LEF1: variants seen among roughly 807,000 people sequenced by gnomAD.
LEF1 encodes lymphoid enhancer binding factor 1.
Under a neutral mutation model 51.2 loss-of-function variants are expected in LEF1, and 14 were observed. The ratio of observed to expected loss-of-function variants is 0.27; its 90% CI spans 0.18 to 0.43. The LOEUF is 0.43. Among genes scored for constraint, LEF1 ranks in the 20% least tolerant of loss-of-function variants. The pLI is 1.00. For synonymous variants in LEF1, 185 were observed against 183.2 expected (o/e 1.01, Z -0.08); for missense variants, 386 against 512.0 (o/e 0.75, Z 2.37).
At chr4:108,080,845 G>A (rs975704428) in intron 6 of LEF1, among the ~76,000 whole-genome samples, 4 of 152,116 alleles carry the variant, frequency 2.6e-5, no homozygotes, top group African/African-American at 4.8e-5. Flanking sequence ...TTTGACTTCC[G>A]GCACAATAAT....
intron 3 of LEF1, among the ~76,000 whole-genome samples, chr4:108,154,406 T>C (rs1049604647): frequency 1.8e-5 from 2 of 112,754 alleles, no homozygotes; most frequent in Non-Finnish European, 1.6e-5. Context: ...GACAACCCTG[T>C]AAGGTGCCTC....
At chr4:108,154,811 T>G (rs1744589829) in intron 3 of LEF1, among the ~76,000 whole-genome samples, 1 of 152,154 alleles carries the variant, frequency 6.6e-6, no homozygotes, top group Non-Finnish European at 1.5e-5. Context: ...TGTTCAAAAT[T>G]GAGGGATCCT....
intron 8 of LEF1, among the ~76,000 whole-genome samples, chr4:108,074,812 T>C (rs1414889191): frequency 1.3e-5 from 2 of 152,156 alleles, no homozygotes; most frequent in African/African-American, 2.4e-5. Flanking sequence ...TTAAGGGAGC[T>C]GAGAAAGTAG....
chr4:108,154,855 T>C lies in LEF1; in HGVS notation c.414+8713A>G, dbSNP rs746812647. ...AAAGCTGCATCCAATATATAAATAT[T>C]TAACATTCATGGGATTTTACTGAAA... On this transcript the variant is annotated intron_variant, in intron 3 of 11. Coordinates refer to ENST00000265165, the MANE Select transcript of LEF1 (RefSeq NM_016269.5). Among the ~76,000 whole-genome samples, 8 of 152,126 alleles carry C rather than the reference T, an allele frequency of 5.3e-5. No homozygotes were observed. In the South Asian group the frequency reaches 1.7e-3, roughly 31 times the overall value.
intron 3 of LEF1, among the ~76,000 whole-genome samples, chr4:108,118,310 T>C (rs1741959707): frequency 6.6e-6 from 1 of 152,264 alleles, no homozygotes; most frequent in East Asian, 1.9e-4. Flanking sequence ...TTCACAAATC[T>C]ACATTTCTGC....
chr4:108,155,738 C>G (rs1483907013), intron 3 of LEF1, among the ~76,000 whole-genome samples: 2 of 152,176 alleles, frequency 1.3e-5, no homozygotes, highest in African/African-American at 2.4e-5. Context: ...TGCCATTTAA[C>G]CTTCCCAAAG....
intron 3 of LEF1, among the ~76,000 whole-genome samples, chr4:108,126,591 A>T (rs552290172): frequency 5.1e-4 from 77 of 151,910 alleles, no homozygotes; most frequent in African/African-American, 1.8e-3. Context: ...TCACTTGAGG[A>T]CAGGAGTTCG....
chr4:108,106,956 G>GA (rs1188980321), intron 3 of LEF1, among the ~76,000 whole-genome samples: 1 of 152,134 alleles, frequency 6.6e-6, no homozygotes, highest in East Asian at 1.9e-4. Flanking sequence ...AGAAGAATGA[G>GA]AAAAAATCAG....
In LEF1 at chr4:108,078,346, T is replaced by C. The variant is rs765018644; in HGVS notation, c.882A>G (p.Pro294=). 1.7e-5 allele frequency: 28 copies of C among 1,614,212 alleles called. No individual in the cohort carries two copies. Among genetic ancestry groups the C allele is most frequent in the Non-Finnish European group, 2.4e-5 (28 of 1,180,042 alleles). The change falls in exon 8 of 12, where the codon CCA becomes CCG. Residue 294 remains proline, a synonymous_variant. Transcript: ENST00000265165. Reference sequence around the variant, plus strand: ...GAGGCTTCTTAATGTGAGGTCTTTTTGGCTCCTGCTCCTTTCTCTGTTCAT... The same window carrying C: ...GAGGCTTCTTAATGTGAGGTCTTTTCGGCTCCTGCTCCTTTCTCTGTTCAT... ...PQHEQRKEQE[P]KRPHIKKPLN...
chr4:108,063,752 G>T, intron 10 of LEF1, 89 bp from the exon 11 acceptor site: 1 of 875,152 alleles, frequency 1.1e-6, no homozygotes, highest in Non-Finnish European at 1.8e-6. Context: ...ATGTGAACTT[G>T]TTTGCTTTAC....
chr4:108,103,254 T>C (rs978256475), intron 3 of LEF1, among the ~76,000 whole-genome samples: 4 of 152,366 alleles, frequency 2.6e-5, no homozygotes, highest in Non-Finnish European at 4.4e-5. Context: ...GAAATGTTTA[T>C]GTAATATCAT....
intron 7 of LEF1, among the ~76,000 whole-genome samples, chr4:108,078,876 T>G (rs1739092609): frequency 6.6e-6 from 1 of 152,088 alleles, no homozygotes; most frequent in Non-Finnish European, 1.5e-5. Flanking sequence ...CATGTTGCCT[T>G]TGCATACATT....
chr4:108,108,414 C>T (rs569223725), intron 3 of LEF1, among the ~76,000 whole-genome samples: 1 of 152,128 alleles, frequency 6.6e-6, no homozygotes, highest in Non-Finnish European at 1.5e-5. Flanking sequence ...CTCCTTGCAA[C>T]CTGACCTGGT....
chr4:108,091,081 T>A (rs1358412734), intron 3 of LEF1, among the ~76,000 whole-genome samples: 2 of 152,170 alleles, frequency 1.3e-5, no homozygotes, highest in East Asian at 3.8e-4. Context: ...TTTGAATTAG[T>A]AAGATCTTAC....
At chr4:108,150,753 G>A (rs1011331828) in intron 3 of LEF1, among the ~76,000 whole-genome samples, 1 of 152,108 alleles carries the variant, frequency 6.6e-6, no homozygotes, top group Admixed American at 6.5e-5. Context: ...CTGTGCCTCA[G>A]TTTCTTCACT....
intron 3 of LEF1, among the ~76,000 whole-genome samples, chr4:108,155,653 A>G (rs1396834150): frequency 6.6e-6 from 1 of 152,214 alleles, no homozygotes; most frequent in African/African-American, 2.4e-5. Context: ...ACAGCTAGAA[A>G]ACAGCGCTTT....
chr4:108,120,772 C>T (rs922050242), intron 3 of LEF1, among the ~76,000 whole-genome samples: 5 of 152,198 alleles, frequency 3.3e-5, no homozygotes, highest in Admixed American at 1.3e-4. Context: ...TTGTCAATAT[C>T]ACCACTGAAC....
At chr4:108,146,192 G>A (rs999315234) in intron 3 of LEF1, among the ~76,000 whole-genome samples, 1 of 152,208 alleles carries the variant, frequency 6.6e-6, no homozygotes, top group Non-Finnish European at 1.5e-5. Context: ...TAGCGACCTT[G>A]TGACTTTAAA....
intron 3 of LEF1, among the ~76,000 whole-genome samples, chr4:108,092,815 G>A (rs1740109416): frequency 6.7e-6 from 1 of 148,468 alleles, no homozygotes; most frequent in African/African-American, 2.5e-5. Flanking sequence ...TAGCACCAAT[G>A]ACCAACACAC....
Sources: gnomAD v4.1 joint callset for allele counts (sites outside exome capture counted in the v4.1 genomes callset) on GRCh38, gnomAD v4.1.1 for gene constraint, MANE v1.5 for transcripts, NCBI Gene and HGNC (gene_info 2026-07-23, HGNC 2026-07-21) for gene names.